SLC4A4: variants seen among roughly 807,000 people sequenced by gnomAD.
SLC4A4 encodes electrogenic sodium bicarbonate cotransporter 1.
In SLC4A4, 27 loss-of-function variants were observed where a neutral mutation model predicts 111.5. The observed-to-expected ratio is 0.24, with a 90% CI of 0.18 to 0.33. The LOEUF (loss-of-function observed/expected upper bound fraction) is 0.33, where lower values mean the gene tolerates loss of function less well. SLC4A4 is among the 10% of genes least tolerant of loss of function. The probability of loss-of-function intolerance (pLI) is 1.00; values close to 1 mark genes in which losing one functional copy is unlikely to be tolerated. For missense variants in SLC4A4, 909 were observed against 1,315.5 expected, an observed-to-expected ratio of 0.69 and a Z score of 4.78; for synonymous variants, 443 against 463.4, an observed-to-expected ratio of 0.96 and a Z score of 0.57.
chr4:71,141,629 A>G (rs1744000576), intron 2 of SLC4A4, among the ~76,000 whole-genome samples: 1 of 152,214 alleles, frequency 6.6e-6, no homozygotes, highest in African/African-American at 2.4e-5. Context: ...CATGGCCATA[A>G]ATAAATATAT....
rs140816454 is a variant in SLC4A4 at position 71,485,974 on chromosome 4, G to C, written c.1904-974G>C. ...CAAAACCTGTGTGTTTCTTCTTAAA[G>C]GTTTATATAGGCAGGACTTGAAGCA... is the stretch of plus-strand genomic sequence containing the variant. On this transcript the variant is annotated intron_variant, in intron 14 of 25. Transcript: ENST00000264485. Among the ~76,000 whole-genome samples the C allele has an allele frequency of 3.8e-3, 575 of 151,392 alleles. 1 individual carries two copies. Among genetic ancestry groups the C allele is most frequent in the Middle Eastern group, 0.014 (4 of 292 alleles).
At chr4:71,093,966 G>A (rs9291198) in intron 2 of SLC4A4, among the ~76,000 whole-genome samples, 1 of 152,024 alleles carries the variant, frequency 6.6e-6, no homozygotes, top group Non-Finnish European at 1.5e-5. Context: ...CCTGGCTGAT[G>A]AGATTATTTA....
At chr4:71,100,978 G>A (rs1434430415) in intron 2 of SLC4A4, among the ~76,000 whole-genome samples, 2 of 152,178 alleles carry the variant, frequency 1.3e-5, no homozygotes, top group African/African-American at 4.8e-5. Flanking sequence ...TGCCATGCTC[G>A]GCTGGGCGTG....
Position 71,523,199 on chromosome 4 carries a change from A to G in SLC4A4, c.2167-8863A>G, listed in dbSNP as rs1017894649. Among the ~76,000 whole-genome samples, 6 of 148,550 alleles carry G rather than the reference A, an allele frequency of 4.0e-5. No individual in the cohort carries two copies. The Admixed American group carries it at 4.1e-4, about 10-fold the overall frequency. On this transcript the variant is annotated intron_variant, in intron 16 of 25. Coordinates refer to ENST00000264485, the MANE Select transcript of SLC4A4 (RefSeq NM_001098484.3). ...TATATGTCTCACTTTAGTGTTCGCCATCTTGGGTGGCATTTGTCTTCTTTA... is the reference window on the plus strand; with the variant it reads ...TATATGTCTCACTTTAGTGTTCGCCGTCTTGGGTGGCATTTGTCTTCTTTA...
At chr4:71,475,992 A>G (rs1456000405) in intron 14 of SLC4A4, among the ~76,000 whole-genome samples, 1 of 151,754 alleles carries the variant, frequency 6.6e-6, no homozygotes, top group East Asian at 1.9e-4. Context: ...ATGCAACAAG[A>G]CTGTTGGTTG....
At chr4:71,145,303 G>T (rs1229298723) in intron 2 of SLC4A4, among the ~76,000 whole-genome samples, 1 of 152,210 alleles carries the variant, frequency 6.6e-6, no homozygotes, top group African/African-American at 2.4e-5. Context: ...AAGCCCACTT[G>T]ATCATGGTGG....
intron 18 of SLC4A4, among the ~76,000 whole-genome samples, chr4:71,536,270 A>T (rs1330614967): frequency 6.6e-6 from 1 of 150,566 alleles, no homozygotes; most frequent in African/African-American, 2.4e-5. Context: ...CAAGGGGGTG[A>T]GGGGGGAATT....
intron 20 of SLC4A4, among the ~76,000 whole-genome samples, chr4:71,550,414 G>A (rs1165002876): frequency 3.9e-5 from 6 of 151,922 alleles, no homozygotes; most frequent in South Asian, 2.1e-4. Context: ...AATACAGGAA[G>A]AAGCAGATAT....
chr4:71,384,331 T>G (rs1718453757), intron 6 of SLC4A4, among the ~76,000 whole-genome samples: 1 of 152,212 alleles, frequency 6.6e-6, no homozygotes, highest in South Asian at 2.1e-4. Context: ...TCAGGGTCAC[T>G]TGGGTGAAAG....
rs553214852 is a variant in SLC4A4 at position 71,217,651 on chromosome 4, T to C, written c.-1-18925T>C. On this transcript the variant is annotated intron_variant, in intron 1 of 25. Coordinates refer to ENST00000264485, the MANE Select transcript of SLC4A4 (RefSeq NM_001098484.3). ...TTTTTATCTGTAGATGCTTATTATA[T>C]GGTTGCTTTTCAAAGACCATTGTAA... 7.2e-5 allele frequency among the ~76,000 whole-genome samples: 11 copies of C among 152,346 alleles called. 1 individual carries two copies. The highest frequency in any genetic ancestry group is 6.5e-4 in the Admixed American group (10 of 15,296).
chr4:71,558,269 AG>A (rs1736650233), intron 22 of SLC4A4, among the ~76,000 whole-genome samples: 1 of 152,022 alleles, frequency 6.6e-6, no homozygotes, highest in Admixed American at 6.6e-5. Context: ...GTTGTATAAT[AG>A]AATTAATCTA....
chr4:71,130,480 C>T (rs1743672933), intron 2 of SLC4A4, among the ~76,000 whole-genome samples: 1 of 152,144 alleles, frequency 6.6e-6, no homozygotes. Flanking sequence ...TCAAGCAATT[C>T]TCCCACCTCG....
chr4:71,542,304 A>G (rs575830921), intron 18 of SLC4A4, among the ~76,000 whole-genome samples: 1 of 152,162 alleles, frequency 6.6e-6, no homozygotes, highest in South Asian at 2.1e-4. Flanking sequence ...ATCTTCTCAA[A>G]CCTGGATTAT....
intron 3 of SLC4A4, among the ~76,000 whole-genome samples, chr4:71,286,531 A>G (rs1723932588): frequency 6.6e-6 from 1 of 152,224 alleles, no homozygotes; most frequent in African/African-American, 2.4e-5. Flanking sequence ...AACCAACCAA[A>G]TGGAATTATC....
At chr4:71,174,557 T>C (rs1032230292) in intron 2 of SLC4A4, among the ~76,000 whole-genome samples, 5 of 152,088 alleles carry the variant, frequency 3.3e-5, no homozygotes, top group Non-Finnish European at 7.4e-5. Context: ...CCACACACCA[T>C]TTTTTAATAC....
At chr4:71,449,420 T>C (rs1176402997) in intron 9 of SLC4A4, among the ~76,000 whole-genome samples, 2 of 152,174 alleles carry the variant, frequency 1.3e-5, no homozygotes, top group African/African-American at 2.4e-5. Context: ...GCCTCTATCA[T>C]GAGAAACAGC....
At position 71,497,669 on chromosome 4, in the gene SLC4A4, A is replaced by G; in HGVS notation, c.2143A>G (p.Thr715Ala). 1.9e-6 allele frequency: 3 copies of G among 1,613,404 alleles called. No homozygotes were observed. Among genetic ancestry groups the G allele is most frequent in the Non-Finnish European group, 2.5e-6 (3 of 1,179,542 alleles). ...TSSMALKKFK[T>A]SPYFPTTARK... ...TTCCATGGCTCTGAAAAAATTCAAAACTAGTCCTTATTTTCCAACCACAGT... is the reference window on the plus strand; with the variant it reads ...TTCCATGGCTCTGAAAAAATTCAAAGCTAGTCCTTATTTTCCAACCACAGT... The change falls in exon 16 of 26, where the codon ACT becomes GCT. Residue 715 changes from threonine to alanine, a missense_variant. By Grantham distance (58) the Thr-to-Ala change is moderately conservative (BLOSUM62 0). Coordinates refer to ENST00000264485, the MANE Select transcript of SLC4A4 (RefSeq NM_001098484.3).
rs1372919978 is a variant in SLC4A4, at chr4:71,477,707, TG to T, written c.1903+4739del. On this transcript the variant is annotated intron_variant, in intron 14 of 25. Transcript: ENST00000264485. Reference sequence around the variant, plus strand: ...TTCAAAAGCATAAATACTAGAATTTTGGAAATAGGGAAAAGAACATGGGCAT... The same window carrying T: ...TTCAAAAGCATAAATACTAGAATTTTGAAATAGGGAAAAGAACATGGGCAT... 1.5e-4 allele frequency among the ~76,000 whole-genome samples: 23 copies of T among 151,934 alleles called. No homozygotes were observed. In the East Asian group the frequency reaches 4.1e-3, roughly 27 times the overall value.
intron 17 of SLC4A4, among the ~76,000 whole-genome samples, chr4:71,532,596 C>G (rs908152023): frequency 1.3e-5 from 2 of 152,058 alleles, no homozygotes; most frequent in Admixed American, 6.6e-5. Context: ...ACCTTTGCCT[C>G]CTAGGTTCAA....
Sources: allele counts gnomAD v4.1 joint callset (sites outside exome capture counted in the v4.1 genomes callset), GRCh38; gene constraint gnomAD v4.1.1; transcripts MANE v1.5; gene names NCBI Gene and HGNC (gene_info 2026-07-23, HGNC 2026-07-21).